Variants in SLC9A5 observed in about 807,000 individuals in gnomAD.
SLC9A5 encodes the protein sodium/hydrogen exchanger 5.
In SLC9A5, 52 loss-of-function variants were observed where a neutral mutation model predicts 91.7. The observed-to-expected ratio is 0.57, with a 90% CI of 0.45 to 0.71. SLC9A5 has a LOEUF of 0.71. Among genes scored for constraint, SLC9A5 ranks in the 30% least tolerant of loss-of-function variants. The probability of loss-of-function intolerance (pLI) is 0.00; values close to 1 mark genes in which losing one functional copy is unlikely to be tolerated. For missense variants in SLC9A5, 871 were observed against 1,158.9 expected, an observed-to-expected ratio of 0.75 and a Z score of 3.61; for synonymous variants, 419 against 474.5, an observed-to-expected ratio of 0.88 and a Z score of 1.52.
chr16:67,272,082 T>A lies in SLC9A5; in HGVS notation c.*872T>A, dbSNP rs1455188993. ...TGCTCCATTGCTCTGGGGGCTGGGA[T>A]GCCTGGCTAAGCAGGGGCTGACAGG... On this transcript the variant is annotated 3_prime_UTR_variant, in exon 16 of 16. Coordinates refer to ENST00000299798, the MANE Select transcript of SLC9A5 (RefSeq NM_004594.3). The A allele has an allele frequency of 6.6e-6, 1 of 152,334 alleles. No homozygotes were observed. Among genetic ancestry groups the A allele is most frequent in the African/African-American group, 2.4e-5 (1 of 41,456 alleles). 9.4% of individuals were successfully genotyped at this position (152,334 alleles called of 1,614,324 possible). A position where few individuals can be genotyped will look rare whatever the true frequency, so the allele number is the denominator to read the frequency against.
intron 1 of SLC9A5, among the ~76,000 whole-genome samples, chr16:67,250,461 G>A (rs141613617): frequency 5.1e-4 from 77 of 152,260 alleles, no homozygotes; most frequent in African/African-American, 1.8e-3. Flanking sequence ...CCTCAGGTTT[G>A]GAGCCAACGA....
rs752077865 is a variant in SLC9A5, at chr16:67,259,963, A to G, written c.1842+17A>G. ...CGCCGTAGGGTGAGAGCAGGCAGGC[A>G]TCAGGATTTTGAGGGGGTGGAGGTG... On this transcript the variant is annotated intron_variant, in intron 12 of 15. Transcript: ENST00000299798. The G allele has an allele frequency of 6.2e-7, 1 of 1,612,486 alleles. No homozygotes were observed. The highest frequency in any genetic ancestry group is 8.5e-7 in the Non-Finnish European group (1 of 1,179,176).
chr16:67,266,375 G>A, intron 15 of SLC9A5, 150 bp downstream of exon 15: 2 of 762,034 alleles, frequency 2.6e-6, no homozygotes, highest in Non-Finnish European at 4.1e-6. Context: ...CATACCAGAT[G>A]CCCGACATAG....
Position 67,258,324 on chromosome 16 carries a change from G to A in SLC9A5, c.1503G>A (p.Glu501=), listed in dbSNP as rs1224410999. The A allele has an allele frequency of 1.2e-6, 2 of 1,613,900 alleles. No individual in the cohort carries two copies. The highest frequency in any genetic ancestry group is 1.7e-5 in the Admixed American group (1 of 60,034). Residue 501 remains glutamate, a synonymous_variant, in exon 10 of 16, where the codon GAG becomes GAA. Transcript: ENST00000299798. This position sits in a 1 kb window ranked among gnomAD's most constrained non-coding sequence, Gnocchi z 4.5. ...GGCCTGGCATCCTCTGTAGGTGGGA[G>A]CAGTTTGACAAGAAATACCTGAGTC... is the stretch of plus-strand genomic sequence containing the variant. ...HGYHYWRDRW[E]QFDKKYLSQL...
Position 67,270,796 on chromosome 16 carries a change from A to G in SLC9A5, c.2277A>G (p.Glu759=), listed in dbSNP as rs755028170. The change falls in exon 16 of 16, where the codon GAA becomes GAG. Residue 759 remains glutamate, a synonymous_variant. Transcript: ENST00000299798. The surrounding 1 kb of genome is among the most constrained non-coding windows in gnomAD (Gnocchi z 4.3). ...TTCCCCCCTCCCCAACCTGTGCAGA[A>G]AAGGAGCTCCCCTGGAAGAGTGGGC... ...RIIPPSPTCA[E]KELPWKSGQG... 3 of 1,614,056 alleles carry G rather than the reference A, an allele frequency of 1.9e-6. No homozygotes were observed. Among genetic ancestry groups the G allele is most frequent in the Non-Finnish European group, 1.7e-6 (2 of 1,179,986 alleles).
At chr16:67,268,665 T>TAC (rs1205790126) in intron 15 of SLC9A5, among the ~76,000 whole-genome samples, 12 of 25,602 alleles carry the variant, frequency 4.7e-4, no homozygotes, top group African/African-American at 2.9e-3. Context: ...TGATTATATA[T>TAC]ATATATATAT....
intron 2 of SLC9A5, among the ~76,000 whole-genome samples, chr16:67,253,625 C>T (rs1209196549): frequency 6.6e-6 from 1 of 152,164 alleles, no homozygotes; most frequent in African/African-American, 2.4e-5. Context: ...TGGGTTCAAG[C>T]AATTCTCCTG....
At chr16:67,266,571 G>T (rs1198981773) in intron 15 of SLC9A5, among the ~76,000 whole-genome samples, 1 of 151,890 alleles carries the variant, frequency 6.6e-6, no homozygotes, top group East Asian at 1.9e-4. Flanking sequence ...ACAGAGTTTT[G>T]CTCTTGTCAT....
chr16:67,255,360 C>A lies in SLC9A5; in HGVS notation c.655-33C>A, dbSNP rs749208686. ...CCAGCAGTCCCAGTTGCTGCCTTCC[C>A]GCCTCACTGCTGACTCTCCTCTTCT... On this transcript the variant is annotated intron_variant, in intron 3 of 15. Coordinates refer to ENST00000299798, the MANE Select transcript of SLC9A5 (RefSeq NM_004594.3). This position sits in a 1 kb window ranked among gnomAD's most constrained non-coding sequence, Gnocchi z 4.9. 6.3e-7 allele frequency: 1 copy of A among 1,593,164 alleles called. No individual in the cohort carries two copies. Among genetic ancestry groups the A allele is most frequent in the South Asian group, 1.1e-5 (1 of 90,398 alleles).
At position 67,255,086 on chromosome 16, in the gene SLC9A5, C is replaced by A. The variant is rs541041935; in HGVS notation, c.556C>A (p.Pro186Thr). 24 of 1,613,966 alleles carry A rather than the reference C, an allele frequency of 1.5e-5. 1 individual carries two copies. In the Admixed American group the frequency reaches 3.8e-4, roughly 26 times the overall value. Reference protein sequence around the residue: ...LFGSLISAVDPVAVLAVFEEV... With the variant: ...LFGSLISAVDTVAVLAVFEEV... ...TGGGAGCCTCATCTCGGCGGTGGAC[C>A]CCGTGGCCGTGCTAGCTGTCTTTGA... Residue 186 changes from proline to threonine, a missense_variant, in exon 3 of 16, where the codon CCC becomes ACC. This residue lies in a region of SLC9A5 where 454 missense variants were observed against 718.3 expected (regional missense o/e 0.63). Transcript: ENST00000299798. This position sits in a 1 kb window ranked among gnomAD's most constrained non-coding sequence, Gnocchi z 4.9.
At position 67,257,694 on chromosome 16, in the gene SLC9A5, GC is replaced by G; in HGVS notation, c.1496+95del. 7.4e-7 allele frequency: 1 copy of G among 1,359,628 alleles called. No homozygotes were observed. Among genetic ancestry groups the G allele is most frequent in the Non-Finnish European group, 1.0e-6 (1 of 958,130 alleles). 84.2% of individuals were successfully genotyped at this position (1,359,628 alleles called of 1,614,324 possible). ...TGCCACACTTCTGAGAAGGGACAGAGCCAGGTTCAGGCTGGGTGACCTCTGC... is the reference window on the plus strand; with the variant it reads ...TGCCACACTTCTGAGAAGGGACAGAGCAGGTTCAGGCTGGGTGACCTCTGC... On this transcript the variant is annotated intron_variant, in intron 9 of 15. Transcript: ENST00000299798. The surrounding 1 kb of genome is among the most constrained non-coding windows in gnomAD (Gnocchi z 5.1).
chr16:67,265,098 A>C lies in SLC9A5; in HGVS notation c.2072A>C (p.Gln691Pro). The C allele has an allele frequency of 6.2e-7, 1 of 1,614,034 alleles. No individual in the cohort carries two copies. Among genetic ancestry groups the C allele is most frequent in the Non-Finnish European group, 8.5e-7 (1 of 1,179,936 alleles). The change falls in exon 14 of 16, where the codon CAG becomes CCG. Residue 691 changes from glutamine to proline, a missense_variant. This residue lies in a region of SLC9A5 where 295 missense variants were observed against 326.0 expected (regional missense o/e 0.90). Coordinates refer to ENST00000299798, the MANE Select transcript of SLC9A5 (RefSeq NM_004594.3). ...TNGKHRGLGF[Q>P]DTAAVILTVE... ...GGGAAACATCGAGGCCTGGGCTTTC[A>C]GGACACAGGCAAGCAGGGAGCAGTG...
In SLC9A5 at chr16:67,252,560, A is replaced by T. The variant is rs2142340307; in HGVS notation, c.206A>T (p.Lys69Ile). 1 of 1,612,870 alleles carries T rather than the reference A, an allele frequency of 6.2e-7. No homozygotes were observed. The highest frequency in any genetic ancestry group is 2.2e-5 in the East Asian group (1 of 44,858). ...ATTGCAGTGTTTCACCTGTCTCGGA[A>T]AGTAACATCTCTGGTCCCTGAGAGC... Reference protein sequence around the residue: ...LAKIVFHLSRKVTSLVPESCL... With the variant: ...LAKIVFHLSRIVTSLVPESCL... The change falls in exon 2 of 16, where the codon AAA becomes ATA. Residue 69 changes from lysine to isoleucine, a missense_variant. Transcript: ENST00000299798. This position sits in a 1 kb window ranked among gnomAD's most constrained non-coding sequence, Gnocchi z 4.0.
Position 67,255,246 on chromosome 16 carries a change from G to T in SLC9A5, c.654+62G>T. 3.8e-6 allele frequency: 6 copies of T among 1,578,708 alleles called. No homozygotes were observed. Among genetic ancestry groups the T allele is most frequent in the Non-Finnish European group, 4.3e-6 (5 of 1,156,834 alleles). On this transcript the variant is annotated intron_variant, in intron 3 of 15. Coordinates refer to ENST00000299798, the MANE Select transcript of SLC9A5 (RefSeq NM_004594.3). The surrounding 1 kb of genome is among the most constrained non-coding windows in gnomAD (Gnocchi z 4.9). The stretch of plus-strand genomic sequence containing the variant: ...AGGCTGCATGCTCTGACCAACTAGG[G>T]GTCTGCGCAGACTCAGTCCCTTCCC...
chr16:67,259,431 C>T (rs972247559), intron 10 of SLC9A5, 142 bp from the exon 11 acceptor site: 18 of 584,280 alleles, frequency 3.1e-5, no homozygotes, highest in Non-Finnish European at 4.3e-5. Context: ...TTTGTGAATT[C>T]GATATGTAAA....
At chr16:67,264,561 G>A (rs779470915) in intron 13 of SLC9A5, 39 bp downstream of exon 13, 3 of 1,608,498 alleles carry the variant, frequency 1.9e-6, no homozygotes, top group Middle Eastern at 1.7e-4. Context: ...GGAGCTGGAG[G>A]CTGACAGCAA....
rs1179116662 is a variant in SLC9A5, at chr16:67,259,929, T to C, written c.1825T>C (p.Tyr609His). ...GCATCATCTGCTCTGCGGAGGCCTC[T>C]ACAAGCCGCGCCGTAGGGTGAGAGC... ...VMHHLLCGGLYKPRRRYKASC... is the reference protein window; with the variant it reads ...VMHHLLCGGLHKPRRRYKASC... The change falls in exon 12 of 16, where the codon TAC (tyrosine) becomes CAC (histidine). Residue 609 changes from tyrosine to histidine, a missense_variant. This residue lies in a region of SLC9A5 where 454 missense variants were observed against 718.3 expected (regional missense o/e 0.63). Transcript: ENST00000299798. The C allele has an allele frequency of 3.1e-6, 5 of 1,613,876 alleles. No homozygotes were observed. The highest frequency in any genetic ancestry group is 4.2e-6 in the Non-Finnish European group (5 of 1,179,892).
chr16:67,264,584 C>T (rs1317240548), intron 13 of SLC9A5, 62 bp downstream of exon 13: 2 of 1,561,264 alleles, frequency 1.3e-6, no homozygotes, highest in Non-Finnish European at 1.8e-6. Flanking sequence ...AGTTTTGAGC[C>T]CCCTAGTGTT....
rs941124805 is a variant in SLC9A5, at chr16:67,257,044, C to G, written c.1266C>G (p.Thr422=). ...AFALVILLDR[T]KVPAKDYFVA... The stretch of plus-strand genomic sequence containing the variant: ...CTCTCGTCATCCTACTGGATAGGAC[C>G]AAGGTCCCTGCCAAGGACTACTTTG... The change falls in exon 7 of 16, where the codon ACC becomes ACG. Residue 422 remains threonine, a synonymous_variant. Coordinates refer to ENST00000299798, the MANE Select transcript of SLC9A5 (RefSeq NM_004594.3). This position sits in a 1 kb window ranked among gnomAD's most constrained non-coding sequence, Gnocchi z 5.1. 1.9e-6 allele frequency: 3 copies of G among 1,613,572 alleles called. No homozygotes were observed. The African/African-American group carries it at 4.0e-5, about 22-fold the overall frequency.
Sources: allele counts gnomAD v4.1 joint callset (sites outside exome capture counted in the v4.1 genomes callset), GRCh38; gene constraint gnomAD v4.1.1; regional missense constraint gnomAD v4.1.1; non-coding constraint Gnocchi (gnomAD v3.1); transcripts MANE v1.5; gene names NCBI Gene and HGNC (gene_info 2026-07-23, HGNC 2026-07-21).